GRIA1: variants seen among roughly 807,000 people sequenced by gnomAD.
GRIA1 encodes glutamate receptor 1.
GRIA1 carries 31 observed loss-of-function variants against 99.2 expected under a neutral mutation model. The ratio of observed to expected loss-of-function variants is 0.31; its 90% CI spans 0.23 to 0.42. The LOEUF (loss-of-function observed/expected upper bound fraction) is 0.42. Ranked by LOEUF, GRIA1 falls within the 10% of genes least tolerant of loss-of-function variation. GRIA1 has a pLI of 1.00. For synonymous variants in GRIA1, 438 were observed against 432.4 expected (o/e 1.01, Z -0.16); for missense variants, 782 against 1,157.5 (o/e 0.68, Z 4.71).
At chr5:153,544,689 G>A (rs1581206095) in intron 2 of GRIA1, among the ~76,000 whole-genome samples, 2 of 152,254 alleles carry the variant, frequency 1.3e-5, no homozygotes, top group Non-Finnish European at 2.9e-5. Context: ...ATAAACCAAA[G>A]GCAGGATATC....
intron 14 of GRIA1, among the ~76,000 whole-genome samples, chr5:153,796,776 TC>T (rs1765672408): frequency 6.7e-6 from 1 of 150,322 alleles, no homozygotes; most frequent in Non-Finnish European, 1.5e-5. Flanking sequence ...AGCTTAGATA[TC>T]CTGCCCCCAC....
At chr5:153,504,359 T>TAC in intron 2 of GRIA1, among the ~76,000 whole-genome samples, 1 of 151,676 alleles carries the variant, frequency 6.6e-6, no homozygotes, top group Non-Finnish European at 1.5e-5. Context: ...TATATATATA[T>TAC]ACACTATCTA....
At chr5:153,572,191 T>C (rs961787128) in intron 2 of GRIA1, among the ~76,000 whole-genome samples, 8 of 152,216 alleles carry the variant, frequency 5.3e-5, no homozygotes, top group African/African-American at 1.9e-4. Flanking sequence ...ATGAGGTTTA[T>C]TCACTTCCAT....
At chr5:153,733,956 G>GA (rs1201233788) in intron 11 of GRIA1, among the ~76,000 whole-genome samples, 1 of 152,112 alleles carries the variant, frequency 6.6e-6, no homozygotes, top group East Asian at 1.9e-4. Flanking sequence ...CTTATCCACA[G>GA]AAAAATCCAT....
intron 8 of GRIA1, among the ~76,000 whole-genome samples, chr5:153,692,161 G>T (rs1332416039): frequency 6.6e-6 from 1 of 152,068 alleles, no homozygotes; most frequent in African/African-American, 2.4e-5. Flanking sequence ...TTGTCATTCA[G>T]GTCTCAGTCC....
At chr5:153,492,191 G>T in intron 1 of GRIA1, 1 of 1,525,112 alleles carries the variant, frequency 6.6e-7, no homozygotes, top group Non-Finnish European at 8.8e-7. Context: ...ATATTTTGTC[G>T]GGCATACATG....
chr5:153,652,398 T>C (rs138240610), intron 4 of GRIA1, among the ~76,000 whole-genome samples: 4 of 152,204 alleles, frequency 2.6e-5, no homozygotes. Context: ...TAATCCTACT[T>C]CATTCCCACA....
chr5:153,572,688 A>G (rs1480071271), intron 2 of GRIA1, among the ~76,000 whole-genome samples: 1 of 152,126 alleles, frequency 6.6e-6, no homozygotes, highest in Non-Finnish European at 1.5e-5. Context: ...ATTTCATGGT[A>G]CTGATCAGAT....
rs189013748 is a variant in GRIA1, at chr5:153,624,007, C to T, written c.221-22921C>T. Among the ~76,000 whole-genome samples the T allele has an allele frequency of 6.6e-5, 10 of 152,212 alleles. No individual in the cohort carries two copies. The East Asian group carries it at 1.7e-3, about 26-fold the overall frequency. On this transcript the variant is annotated intron_variant, in intron 2 of 15. Transcript: ENST00000285900. ...AATGACAATAACTGCTCCTATGACT[C>T]AAAAGGGAAACAAATGGATACTGTC...
intron 13 of GRIA1, among the ~76,000 whole-genome samples, chr5:153,785,373 A>C (rs991616293): frequency 6.6e-6 from 1 of 152,186 alleles, no homozygotes; most frequent in Admixed American, 6.5e-5. Context: ...TTCCCCTAGA[A>C]TCCTAGTGGT....
At chr5:153,713,322 C>T (rs924801725) in intron 11 of GRIA1, among the ~76,000 whole-genome samples, 14 of 152,234 alleles carry the variant, frequency 9.2e-5, no homozygotes, top group African/African-American at 3.4e-4. Flanking sequence ...TCTCCATTAG[C>T]AAGCAACACC....
At chr5:153,545,737 G>A (rs939838708) in intron 2 of GRIA1, among the ~76,000 whole-genome samples, 5 of 152,196 alleles carry the variant, frequency 3.3e-5, no homozygotes, top group African/African-American at 1.2e-4. Flanking sequence ...GCTGGAGAGT[G>A]AAGGCAGCAA....
chr5:153,807,669 A>G (rs1766529575), intron 15 of GRIA1, among the ~76,000 whole-genome samples: 1 of 152,202 alleles, frequency 6.6e-6, no homozygotes, highest in Non-Finnish European at 1.5e-5. Flanking sequence ...GCAGCTCATA[A>G]CATTTCGGTC....
At chr5:153,590,124 T>C (rs1396713299) in intron 2 of GRIA1, among the ~76,000 whole-genome samples, 1 of 152,226 alleles carries the variant, frequency 6.6e-6, no homozygotes, top group Non-Finnish European at 1.5e-5. Flanking sequence ...GACTTCATGT[T>C]TGTACATTTT....
At chr5:153,748,493 T>TATC (rs2149586211) in intron 11 of GRIA1, among the ~76,000 whole-genome samples, 1 of 152,354 alleles carries the variant, frequency 6.6e-6, no homozygotes, top group South Asian at 2.1e-4. Context: ...ATTTGGATTT[T>TATC]ATCTTCTAAG....
intron 2 of GRIA1, among the ~76,000 whole-genome samples, chr5:153,500,373 G>T (rs987364572): frequency 2.0e-5 from 3 of 151,466 alleles, no homozygotes; most frequent in African/African-American, 7.3e-5. Flanking sequence ...AGCATTAGTT[G>T]ATTACAGAAT....
chr5:153,669,827 C>G (rs13436695), intron 5 of GRIA1, among the ~76,000 whole-genome samples: 3,982 of 152,208 alleles, frequency 0.026, 194 homozygotes, highest in African/African-American at 0.091. Flanking sequence ...AACTCCATAT[C>G]TGACTTCCCA....
intron 11 of GRIA1, among the ~76,000 whole-genome samples, chr5:153,743,243 A>G (rs548434795): frequency 6.6e-6 from 1 of 152,210 alleles, no homozygotes; most frequent in Non-Finnish European, 1.5e-5. Context: ...AATGATTGTC[A>G]GTCACCATAC....
chr5:153,656,520 T>C (rs1754976686), intron 5 of GRIA1, among the ~76,000 whole-genome samples: 1 of 151,564 alleles, frequency 6.6e-6, no homozygotes, highest in South Asian at 2.1e-4. Context: ...TTTTACCTAG[T>C]AGCACATACT....
Sources: gnomAD v4.1 joint callset for allele counts (sites outside exome capture counted in the v4.1 genomes callset) on GRCh38, gnomAD v4.1.1 for gene constraint, MANE v1.5 for transcripts, NCBI Gene and HGNC (gene_info 2026-07-23, HGNC 2026-07-21) for gene names.